Variants in ST3GAL3 observed in about 807,000 individuals in gnomAD.
ST3GAL3 encodes CMP-N-acetylneuraminate-beta-1,4-galactoside alpha-2,3-sialyltransferase.
ST3GAL3 carries 21 observed loss-of-function variants against 50.1 expected under a neutral mutation model. The observed-to-expected ratio is 0.42, with a 90% CI of 0.30 to 0.60. ST3GAL3 has a LOEUF of 0.60. ST3GAL3 is among the 20% of genes least tolerant of loss of function. The pLI is 0.19. For missense variants in ST3GAL3, 353 were observed against 489.4 expected, an observed-to-expected ratio of 0.72 and a Z score of 2.63; for synonymous variants, 183 against 190.0, an observed-to-expected ratio of 0.96 and a Z score of 0.30.
intron 11 of ST3GAL3, among the ~76,000 whole-genome samples, chr1:43,923,677 G>T (rs139389974): frequency 0.02 from 3,071 of 152,174 alleles, 107 homozygotes; most frequent in African/African-American, 0.071. Context: ...GTGCAGTGGT[G>T]TGATGATAGC....
intron 3 of ST3GAL3, among the ~76,000 whole-genome samples, chr1:43,805,876 C>T (rs141564401): frequency 1.6e-4 from 24 of 152,266 alleles, no homozygotes; most frequent in African/African-American, 5.5e-4. Flanking sequence ...GCTGGGATTA[C>T]AGGCACGCAC....
intron 2 of ST3GAL3, among the ~76,000 whole-genome samples, chr1:43,765,753 C>CTGTGTGTGTG (rs778848698): frequency 2.2e-4 from 25 of 115,808 alleles, no homozygotes; most frequent in Admixed American, 1.6e-3. Flanking sequence ...CTGTGTGTGT[C>CTGTGTGTGTG]TGTGTGTGTG....
chr1:43,711,619 G>A (rs1212885939), intron 1 of ST3GAL3, among the ~76,000 whole-genome samples: 1 of 152,226 alleles, frequency 6.6e-6, no homozygotes, highest in African/African-American at 2.4e-5. Context: ...GCTCTAACCA[G>A]GCATGGGGTA....
chr1:43,906,182 TTCCTCCCCC>T (rs1557458493), intron 9 of ST3GAL3, among the ~76,000 whole-genome samples: 2 of 112,116 alleles, frequency 1.8e-5, no homozygotes, highest in African/African-American at 3.7e-5. Flanking sequence ...CCTGCCACTC[TTCCTCCCCC>T]TCCTCCTGTT....
chr1:43,875,788 G>C (rs1397350801), intron 5 of ST3GAL3, among the ~76,000 whole-genome samples: 2 of 151,990 alleles, frequency 1.3e-5, no homozygotes, highest in African/African-American at 4.8e-5. Flanking sequence ...CTTTATAGCA[G>C]CGTGAGAACA....
At chr1:43,900,071 C>A (rs1271404474) in intron 9 of ST3GAL3, among the ~76,000 whole-genome samples, 1 of 151,942 alleles carries the variant, frequency 6.6e-6, no homozygotes, top group Non-Finnish European at 1.5e-5. Context: ...GTCTCTCAGG[C>A]CAGCCTTCGT....
intron 2 of ST3GAL3, among the ~76,000 whole-genome samples, chr1:43,785,019 A>G (rs1454138016): frequency 2.0e-5 from 3 of 151,996 alleles, no homozygotes; most frequent in Non-Finnish European, 2.9e-5. Context: ...TTTTCTCCTC[A>G]GACTTTTCTT....
chr1:43,743,670 T>G (rs1682098344), intron 2 of ST3GAL3: 2 of 223,358 alleles, frequency 9.0e-6, no homozygotes, highest in Non-Finnish European at 1.8e-5. Flanking sequence ...AAGTGGAAGA[T>G]GAAAGTACCA....
chr1:43,820,964 AG>A (rs1177178147), intron 4 of ST3GAL3, among the ~76,000 whole-genome samples: 4 of 152,240 alleles, frequency 2.6e-5, no homozygotes, highest in African/African-American at 9.6e-5. Context: ...GTAAACTAGC[AG>A]GGATATAGCC....
chr1:43,837,327 A>G (rs2064518339), intron 4 of ST3GAL3, among the ~76,000 whole-genome samples: 1 of 130,614 alleles, frequency 7.7e-6, no homozygotes, highest in Non-Finnish European at 1.6e-5. Context: ...ATGAAGAAGG[A>G]CAAGGAATAA....
intron 1 of ST3GAL3, 173 bp downstream of exon 1, chr1:43,707,866 C>T (rs1455033163): frequency 2.0e-5 from 3 of 152,256 alleles, no homozygotes; most frequent in Non-Finnish European, 4.4e-5. Context: ...GTCCTTCGGG[C>T]TGGGGGCCCA....
chr1:43,928,241 T>A (rs1199018754), intron 11 of ST3GAL3, among the ~76,000 whole-genome samples: 1 of 152,188 alleles, frequency 6.6e-6, no homozygotes, highest in African/African-American at 2.4e-5. Flanking sequence ...GCCTCCCAAG[T>A]AGTTGGGACT....
chr1:43,736,298 A>G lies in ST3GAL3; in HGVS notation c.36A>G (p.Leu12=). 1 of 1,614,172 alleles carries G rather than the reference A, an allele frequency of 6.2e-7. No homozygotes were observed. The change falls in exon 2 of 12, where the codon CTA becomes CTG. Residue 12 remains leucine (L), a synonymous_variant. Transcript: ENST00000347631. ...GLLVFVRNLL[L]ALCLFLVLGF... ...TGGTATTTGTGCGCAATCTGCTGCT[A>G]GCCCTCTGCCTCTTTCTGGTACTGG...
chr1:43,805,661 A>G (rs1352524653), intron 3 of ST3GAL3, among the ~76,000 whole-genome samples: 1 of 152,218 alleles, frequency 6.6e-6, no homozygotes, highest in Non-Finnish European at 1.5e-5. Flanking sequence ...ATAATCACAA[A>G]CTGGAGAAAG....
chr1:43,733,808 G>C (rs762938376), intron 1 of ST3GAL3, among the ~76,000 whole-genome samples: 36 of 152,190 alleles, frequency 2.4e-4, no homozygotes, highest in Non-Finnish European at 4.1e-4. Context: ...ATTTCAAATT[G>C]AATCTTCTCA....
At chr1:43,773,788 A>G (rs912701023) in intron 2 of ST3GAL3, among the ~76,000 whole-genome samples, 1 of 152,248 alleles carries the variant, frequency 6.6e-6, no homozygotes, top group African/African-American at 2.4e-5. Flanking sequence ...TCACAAGGGC[A>G]AAACTGTTCT....
Position 43,875,947 on chromosome 1 carries a change from CTTCTTATTATTATTA to C in ST3GAL3, c.303-18433_303-18419del, listed in dbSNP as rs1261565548. Among the ~76,000 whole-genome samples the C allele has an allele frequency of 7.6e-3, 435 of 57,338 alleles. 2 individuals are homozygous for C. The highest frequency in any genetic ancestry group is 0.012 in the Non-Finnish European group (308 of 24,678). The allele number at this position is 57,338 out of a possible 152,430, so 37.6% of individuals were successfully genotyped here. The stretch of plus-strand genomic sequence containing the variant: ...TCTTCTTCTTCTTCTTCTTCTTCTT[CTTCTTATTATTATTA>C]TTATTATTATTATTATTATTTTTGA... On this transcript the variant is annotated intron_variant, in intron 5 of 11. Transcript: ENST00000347631.
chr1:43,855,318 C>G (rs72888728), intron 5 of ST3GAL3, among the ~76,000 whole-genome samples: 1,931 of 152,206 alleles, frequency 0.013, 52 homozygotes, highest in African/African-American at 0.045. Context: ...TGCTGAAATC[C>G]TAAAAGATCA....
At chr1:43,830,004 T>G (rs2063323535) in intron 4 of ST3GAL3, among the ~76,000 whole-genome samples, 1 of 79,880 alleles carries the variant, frequency 1.3e-5, no homozygotes, top group Non-Finnish European at 2.2e-5. Context: ...CCTTTTTTTT[T>G]TTTTTTTTTT....
Sources: allele counts gnomAD v4.1 joint callset (sites outside exome capture counted in the v4.1 genomes callset), GRCh38; gene constraint gnomAD v4.1.1; transcripts MANE v1.5; gene names NCBI Gene and HGNC (gene_info 2026-07-23, HGNC 2026-07-21).